The following HDAC9 variants were observed in gnomAD, a reference collection of about 807,000 sequenced individuals.
The protein encoded by HDAC9 is MEF-2 interacting transcription repressor (MITR) protein.
A neutral mutation model predicts 139.4 loss-of-function variants in HDAC9; 41 were observed. The ratio of observed to expected loss-of-function variants is 0.29; its 90% CI spans 0.23 to 0.38. The LOEUF is 0.38. Among genes scored for constraint, HDAC9 ranks in the 10% least tolerant of loss-of-function variants. HDAC9 has a pLI of 1.00. For missense variants in HDAC9, 1,147 were observed against 1,297.0 expected, an observed-to-expected ratio of 0.88 and a Z score of 1.78; for synonymous variants, 517 against 476.2, an observed-to-expected ratio of 1.09 and a Z score of -1.12.
chr7:18,858,332 G>A (rs1250166465), intron 21 of HDAC9, among the ~76,000 whole-genome samples: 1 of 152,186 alleles, frequency 6.6e-6, no homozygotes, highest in South Asian at 2.1e-4. Flanking sequence ...GGCTAGGCAA[G>A]CCTCAGGAAA....
chr7:18,553,969 T>A (rs1817937399), intron 2 of HDAC9, among the ~76,000 whole-genome samples: 1 of 152,184 alleles, frequency 6.6e-6, no homozygotes, highest in Non-Finnish European at 1.5e-5. Context: ...ATTGGCATTT[T>A]AGGTAGGGCA....
chr7:18,917,075 G>A (rs944695970), intron 22 of HDAC9, among the ~76,000 whole-genome samples: 3 of 152,042 alleles, frequency 2.0e-5, no homozygotes, highest in Admixed American at 6.6e-5. Context: ...TATGCTCTTA[G>A]AAGTTCTGTG....
intron 1 of HDAC9, among the ~76,000 whole-genome samples, chr7:18,147,930 G>A (rs1258362566): frequency 2.6e-5 from 4 of 152,064 alleles, no homozygotes; most frequent in Non-Finnish European, 4.4e-5. Context: ...TAGGTCCGTT[G>A]TATTAATTGC....
chr7:18,794,304 T>G (rs1792589971), intron 17 of HDAC9, among the ~76,000 whole-genome samples: 1 of 118,220 alleles, frequency 8.5e-6, no homozygotes, highest in African/African-American at 3.3e-5. Flanking sequence ...ATATGCACTG[T>G]GAGTTTTGTG....
intron 14 of HDAC9, among the ~76,000 whole-genome samples, chr7:18,749,728 A>T (rs1038134150): frequency 6.6e-6 from 1 of 152,184 alleles, no homozygotes; most frequent in African/African-American, 2.4e-5. Context: ...TCAAAGGTTA[A>T]AAACAACAGT....
chr7:18,353,691 T>G (rs1176816331), intron 1 of HDAC9, among the ~76,000 whole-genome samples: 3 of 152,110 alleles, frequency 2.0e-5, no homozygotes, highest in African/African-American at 7.2e-5. Flanking sequence ...TGGCCTGTGT[T>G]ACCACATTGA....
intron 8 of HDAC9, among the ~76,000 whole-genome samples, chr7:18,636,039 G>C (rs1454934575): frequency 6.6e-6 from 1 of 152,086 alleles, no homozygotes; most frequent in Non-Finnish European, 1.5e-5. Flanking sequence ...CAGAAATCCA[G>C]AAGTTGTCTC....
At chr7:18,115,632 T>C (rs78206745) in intron 1 of HDAC9, among the ~76,000 whole-genome samples, 2,327 of 152,342 alleles carry the variant, frequency 0.015, 55 homozygotes, top group African/African-American at 0.053. Flanking sequence ...AAATCGGTTA[T>C]TTGACCAGTG....
intron 1 of HDAC9, among the ~76,000 whole-genome samples, chr7:18,324,495 T>G (rs1800286903): frequency 6.6e-6 from 1 of 152,152 alleles, no homozygotes; most frequent in Non-Finnish European, 1.5e-5. Flanking sequence ...CAATAGCTAA[T>G]TAGGCATTTC....
At chr7:18,635,456 G>A (rs1783596226) in intron 8 of HDAC9, among the ~76,000 whole-genome samples, 1 of 151,972 alleles carries the variant, frequency 6.6e-6, no homozygotes, top group South Asian at 2.1e-4. Context: ...AGTAACACAT[G>A]ATTTAGTGTA....
intron 2 of HDAC9, among the ~76,000 whole-genome samples, chr7:18,284,267 C>T (rs1797292434): frequency 6.6e-6 from 1 of 152,090 alleles, no homozygotes; most frequent in Non-Finnish European, 1.5e-5. Context: ...GTATTTACAA[C>T]ACACATATGC....
chr7:18,340,535 G>A (rs1781924491), intron 1 of HDAC9, among the ~76,000 whole-genome samples: 1 of 151,222 alleles, frequency 6.6e-6, no homozygotes, highest in Non-Finnish European at 1.5e-5. Context: ...TCTTAGTTTT[G>A]TTATTTTAGT....
At chr7:18,948,663 C>A (rs1048043673) in intron 23 of HDAC9, among the ~76,000 whole-genome samples, 2 of 152,092 alleles carry the variant, frequency 1.3e-5, no homozygotes, top group Non-Finnish European at 2.9e-5. Flanking sequence ...CACTACTATA[C>A]TATATCCTAT....
rs1297844659 is a variant in HDAC9 at position 18,510,512 on chromosome 7, G to C, written c.22+14188G>C. Among the ~76,000 whole-genome samples, 3 of 151,718 alleles carry C rather than the reference G, an allele frequency of 2.0e-5. No individual in the cohort carries two copies. The East Asian group carries it at 5.8e-4, about 29-fold the overall frequency. On this transcript the variant is annotated intron_variant, in intron 2 of 25. Transcript: ENST00000686413. ...TGTAGAGACAATTTTCTTAGATAAG[G>C]GGCAAAAATAGGTGGATTTTTCTGT...
intron 2 of HDAC9, among the ~76,000 whole-genome samples, chr7:18,500,497 A>T (rs1769319677): frequency 6.6e-6 from 1 of 152,146 alleles, no homozygotes; most frequent in South Asian, 2.1e-4. Context: ...TAACAGAGAG[A>T]CCTGTCTCCT....
chr7:18,564,663 A>G (rs1821699732), intron 2 of HDAC9, among the ~76,000 whole-genome samples: 1 of 152,172 alleles, frequency 6.6e-6, no homozygotes. Flanking sequence ...CATGCTTATG[A>G]TTGACATTGG....
At position 19,000,966 on chromosome 7, in the gene HDAC9, G is replaced by A. The variant is rs1396395798; in HGVS notation, c.*4904G>A. 1 of 152,142 alleles carries A rather than the reference G, an allele frequency of 6.6e-6. No homozygotes were observed. The highest frequency in any genetic ancestry group is 1.5e-5 in the Non-Finnish European group (1 of 67,980). The allele number at this position is 152,142 out of a possible 1,614,324, so 9.4% of individuals were successfully genotyped here. A position where few individuals can be genotyped will look rare whatever the true frequency, so the allele number is the denominator to read the frequency against. ...CATTTTGATAGATACTCTGTCTTTT[G>A]TTTTTTATCTCTTCTCTTTTCAAGA... On this transcript the variant is annotated 3_prime_UTR_variant, in exon 26 of 26. Transcript: ENST00000686413.
intron 12 of HDAC9, among the ~76,000 whole-genome samples, chr7:18,715,595 A>G (rs563079410): frequency 6.6e-6 from 1 of 152,172 alleles, no homozygotes; most frequent in Non-Finnish European, 1.5e-5. Context: ...AGAGGGTATA[A>G]AGATTAATGT....
chr7:18,246,219 G>A (rs1347638119), intron 2 of HDAC9, among the ~76,000 whole-genome samples: 2 of 150,248 alleles, frequency 1.3e-5, no homozygotes, highest in East Asian at 3.9e-4. Flanking sequence ...GTAGGTGGTT[G>A]GCCTCATTAG....
Sources: allele counts gnomAD v4.1 joint callset (sites outside exome capture counted in the v4.1 genomes callset), GRCh38; gene constraint gnomAD v4.1.1; transcripts MANE v1.5; gene names NCBI Gene and HGNC (gene_info 2026-07-23, HGNC 2026-07-21).